Variants in SDCCAG8 observed in about 807,000 individuals in gnomAD.
The protein encoded by SDCCAG8 is SHH signaling and ciliogenesis regulator SDCCAG8.
In SDCCAG8, 74 loss-of-function variants were observed where a neutral mutation model predicts 101.8. That is an observed-to-expected ratio of 0.73 (90% CI 0.60 to 0.88). The LOEUF (loss-of-function observed/expected upper bound fraction) is 0.88. Ranked by LOEUF, SDCCAG8 falls within the 40% of genes least tolerant of loss-of-function variation. The probability of loss-of-function intolerance (pLI) is 0.00; values close to 1 mark genes in which losing one functional copy is unlikely to be tolerated. For synonymous variants in SDCCAG8, 281 were observed against 292.9 expected, an observed-to-expected ratio of 0.96 and a Z score of 0.41; for missense variants, 787 against 822.6, an observed-to-expected ratio of 0.96 and a Z score of 0.53.
chr1:243,373,855 T>G (rs1267279173), intron 12 of SDCCAG8, among the ~76,000 whole-genome samples: 1 of 152,116 alleles, frequency 6.6e-6, no homozygotes, highest in African/African-American at 2.4e-5. Flanking sequence ...AACCCACACG[T>G]TTATTAACTG....
chr1:243,445,196 G>C (rs576315205), intron 16 of SDCCAG8, among the ~76,000 whole-genome samples: 4 of 152,104 alleles, frequency 2.6e-5, no homozygotes, highest in Non-Finnish European at 5.9e-5. Flanking sequence ...GAGTTATGTA[G>C]AATGGCATTT....
At chr1:243,307,322 C>T (rs1470164054) in intron 7 of SDCCAG8, 14 of 711,884 alleles carry the variant, frequency 2.0e-5, no homozygotes, top group Non-Finnish European at 2.2e-5. Context: ...CTGTATGTTT[C>T]CAGCTAATAG....
intron 6 of SDCCAG8, among the ~76,000 whole-genome samples, chr1:243,297,510 G>T (rs1325360217): frequency 6.6e-6 from 1 of 151,672 alleles, no homozygotes; most frequent in Non-Finnish European, 1.5e-5. Flanking sequence ...CTTCCAAGGG[G>T]TTTTATCAGT....
chr1:243,426,656 C>T (rs2081362563), intron 16 of SDCCAG8, 98 bp downstream of exon 16: 10 of 1,393,092 alleles, frequency 7.2e-6, no homozygotes, highest in African/African-American at 4.3e-5. Context: ...AATTCATCAT[C>T]ATTATGCTAC....
chr1:243,308,196 G>A lies in SDCCAG8; in HGVS notation c.929+19G>A, dbSNP rs753008205. On this transcript the variant is annotated intron_variant, in intron 8 of 17. Coordinates refer to ENST00000366541, the MANE Select transcript of SDCCAG8 (RefSeq NM_006642.5). ...TGGTTAAGTAAGTATGCTTCTACGC[G>A]CACGGAGACTTTGGCAATATGGAAA... The A allele has an allele frequency of 1.6e-5, 26 of 1,613,440 alleles. No homozygotes were observed. The highest frequency in any genetic ancestry group is 6.7e-5 in the East Asian group (3 of 44,888).
chr1:243,340,396 C>T (rs150425152), intron 10 of SDCCAG8, among the ~76,000 whole-genome samples: 10 of 152,258 alleles, frequency 6.6e-5, no homozygotes, highest in East Asian at 3.9e-4. Flanking sequence ...CAACCCTGAA[C>T]GTGGGAAGGG....
chr1:243,385,911 G>A (rs1304572764), intron 13 of SDCCAG8, among the ~76,000 whole-genome samples: 1 of 152,220 alleles, frequency 6.6e-6, no homozygotes, highest in African/African-American at 2.4e-5. Context: ...AGAGGTTGCA[G>A]TGAGCTGAGT....
intron 16 of SDCCAG8, chr1:243,476,301 C>A: frequency 1.0e-6 from 1 of 985,448 alleles, no homozygotes; most frequent in Non-Finnish European, 1.2e-6. Context: ...GGTTCCGTAG[C>A]GGACGGCCAG....
intron 9 of SDCCAG8, among the ~76,000 whole-genome samples, chr1:243,320,877 T>C (rs1484358870): frequency 6.6e-6 from 1 of 152,200 alleles, no homozygotes; most frequent in Admixed American, 6.5e-5. Context: ...TCTGCTCCAC[T>C]GCCTGTATAT....
At chr1:243,303,817 A>G (rs1052734390) in intron 6 of SDCCAG8, among the ~76,000 whole-genome samples, 3 of 152,184 alleles carry the variant, frequency 2.0e-5, no homozygotes, top group African/African-American at 7.2e-5. Context: ...TCACACCTGT[A>G]ACCCCAGCAC....
At chr1:243,464,277 T>C (rs760019826) in intron 16 of SDCCAG8, among the ~76,000 whole-genome samples, 1 of 152,242 alleles carries the variant, frequency 6.6e-6, no homozygotes, top group Non-Finnish European at 1.5e-5. Flanking sequence ...TGGGGTGGGC[T>C]AGTTGCTATG....
At chr1:243,384,291 T>C (rs2147922414) in intron 13 of SDCCAG8, among the ~76,000 whole-genome samples, 1 of 152,284 alleles carries the variant, frequency 6.6e-6, no homozygotes, top group East Asian at 1.9e-4. Context: ...GGTGACTGTA[T>C]TCCAAATGTA....
chr1:243,371,907 G>A (rs2077313393), intron 12 of SDCCAG8, among the ~76,000 whole-genome samples: 1 of 151,974 alleles, frequency 6.6e-6, no homozygotes, highest in Non-Finnish European at 1.5e-5. Flanking sequence ...TGCAAGTAAG[G>A]AACTAAATTC....
chr1:243,331,631 C>G (rs1474930174), intron 10 of SDCCAG8, among the ~76,000 whole-genome samples: 1 of 152,120 alleles, frequency 6.6e-6, no homozygotes, highest in African/African-American at 2.4e-5. Context: ...CTGTCAAAAC[C>G]CTACTACCTA....
At chr1:243,499,445 G>C (rs959792166) in intron 17 of SDCCAG8, among the ~76,000 whole-genome samples, 1 of 152,272 alleles carries the variant, frequency 6.6e-6, no homozygotes, top group East Asian at 1.9e-4. Flanking sequence ...GTCCTTTCCC[G>C]GACAGAAGAG....
Position 243,417,964 on chromosome 1 carries a change from C to G in SDCCAG8, c.1745-4C>G. Reference sequence around the variant, plus strand: ...TGTTGGTGGGGGTTTATTGTTATTTCTAGAAAATGAACAGTATTTGTTGCT... The same window carrying G: ...TGTTGGTGGGGGTTTATTGTTATTTGTAGAAAATGAACAGTATTTGTTGCT... On this transcript the variant is annotated splice_polypyrimidine_tract_variant and splice_region_variant and intron_variant, in intron 14 of 17. Coordinates refer to ENST00000366541, the MANE Select transcript of SDCCAG8 (RefSeq NM_006642.5). The G allele has an allele frequency of 6.3e-7, 1 of 1,594,354 alleles. No homozygotes were observed. The highest frequency in any genetic ancestry group is 8.6e-7 in the Non-Finnish European group (1 of 1,162,426).
chr1:243,320,910 GCC>G (rs2073705102), intron 9 of SDCCAG8, among the ~76,000 whole-genome samples: 1 of 152,086 alleles, frequency 6.6e-6, no homozygotes, highest in African/African-American at 2.4e-5. Flanking sequence ...ACTTATCTTA[GCC>G]TACATGGTAC....
At position 243,256,141 on chromosome 1, in the gene SDCCAG8, C is replaced by T. The variant is rs1388458154; in HGVS notation, c.-33C>T. The T allele has an allele frequency of 3.8e-6, 6 of 1,599,708 alleles. No homozygotes were observed. Among genetic ancestry groups the T allele is most frequent in the African/African-American group, 1.3e-5 (1 of 74,674 alleles). On this transcript the variant is annotated 5_prime_UTR_variant, in exon 1 of 18. In the 5' UTR this introduces an upstream ATG that the reference lacks. Transcript: ENST00000366541. ...AGGGAGAAAGCTGGACATTTCCCCA[C>T]GTAACTCCCAGCTCTGGGCCTAGAG...
chr1:243,450,376 A>G (rs1349565014), intron 16 of SDCCAG8, among the ~76,000 whole-genome samples: 2 of 152,140 alleles, frequency 1.3e-5, no homozygotes, highest in Admixed American at 6.5e-5. Context: ...TTCATTAGCT[A>G]TTTTGCAACT....
Sources: allele counts gnomAD v4.1 joint callset (sites outside exome capture counted in the v4.1 genomes callset), GRCh38; gene constraint gnomAD v4.1.1; transcripts MANE v1.5; gene names NCBI Gene and HGNC (gene_info 2026-07-23, HGNC 2026-07-21).